Variants in BTBD7 observed in about 807,000 individuals in gnomAD.
BTBD7 encodes the protein BTB/POZ domain-containing protein 7.
BTBD7 carries 38 observed loss-of-function variants against 99.9 expected under a neutral mutation model. The ratio of observed to expected loss-of-function variants is 0.38; its 90% confidence interval spans 0.29 to 0.50. BTBD7 has a LOEUF of 0.50. BTBD7 is among the 20% of genes least tolerant of loss of function. The pLI, the probability that BTBD7 is intolerant of heterozygous loss-of-function variation, is 0.93. For synonymous variants in BTBD7, 520 were observed against 511.4 expected (o/e 1.02, Z -0.23); for missense variants, 1,170 against 1,394.6 (o/e 0.84, Z 2.57).
chr14:93,325,538 G>A (rs190676081), intron 1 of BTBD7, among the ~76,000 whole-genome samples: 1 of 152,236 alleles, frequency 6.6e-6, no homozygotes, highest in Non-Finnish European at 1.5e-5. Context: ...TTAATACGTA[G>A]TCCAGACTAA....
intron 3 of BTBD7, among the ~76,000 whole-genome samples, chr14:93,291,638 GAA>G (rs201244707): frequency 0.048 from 7,216 of 151,812 alleles, 586 homozygotes; most frequent in African/African-American, 0.16. Context: ...GTAACAAAGG[GAA>G]AAAGAAGAGC....
At position 93,308,218 on chromosome 14, in the gene BTBD7, C is replaced by T. The variant is rs1282923373; in HGVS notation, c.-106-12061G>A. Among the ~76,000 whole-genome samples, 2 of 147,468 alleles carry T rather than the reference C, an allele frequency of 1.4e-5. 1 individual carries two copies. The highest frequency in any genetic ancestry group is 4.3e-4 in the South Asian group (2 of 4,688). On this transcript the variant is annotated intron_variant, in intron 1 of 10. Transcript: ENST00000334746. The stretch of plus-strand genomic sequence containing the variant: ...AGGAGAATGGCGTGAGCCTGGGAGG[C>T]GGAGCTTGCAGTGAGCTGAGATCGC...
intron 4 of BTBD7, 63 bp from the exon 5 acceptor site, chr14:93,261,740 G>C (rs2052491593): frequency 8.0e-7 from 1 of 1,245,582 alleles, no homozygotes; most frequent in East Asian, 2.4e-5. Context: ...ATTTCATTAA[G>C]GACTTTTCGT....
chr14:93,327,023 T>C (rs2053341632), intron 1 of BTBD7, among the ~76,000 whole-genome samples: 1 of 151,988 alleles, frequency 6.6e-6, no homozygotes, highest in African/African-American at 2.4e-5. Flanking sequence ...TAGCCAGGCA[T>C]GGTGGCACGT....
rs2052194096 is a variant in BTBD7, at chr14:93,239,312, C to T, written c.*2961G>A. On this transcript the variant is annotated 3_prime_UTR_variant, in exon 11 of 11. Coordinates refer to ENST00000334746, the MANE Select transcript of BTBD7 (RefSeq NM_001002860.4). ...CTCAACGCACAGCGGGCACTGGAAG[C>T]GGTGATTGTCCAAAGGCCTGATTGT... The T allele has an allele frequency of 6.6e-6, 1 of 152,482 alleles. No individual in the cohort carries two copies. The highest frequency in any genetic ancestry group is 6.6e-5 in the Admixed American group (1 of 15,256). The allele number at this position is 152,482 out of a possible 1,614,324, so 9.4% of individuals were successfully genotyped here.
At chr14:93,248,012 C>T (rs927580758) in intron 9 of BTBD7, among the ~76,000 whole-genome samples, 2 of 152,136 alleles carry the variant, frequency 1.3e-5, no homozygotes, top group Non-Finnish European at 2.9e-5. Flanking sequence ...ACCTAGTGAC[C>T]AAACAAGGAA....
At chr14:93,243,933 G>C (rs2139672130) in intron 10 of BTBD7, 1 of 160,916 alleles carries the variant, frequency 6.2e-6, no homozygotes, top group East Asian at 1.9e-4. Flanking sequence ...ATTCTGGGGT[G>C]GGGGAAGCAG....
intron 10 of BTBD7, 56 bp from the exon 11 acceptor site, chr14:93,243,144 G>A: frequency 7.0e-7 from 1 of 1,427,382 alleles, no homozygotes; most frequent in Non-Finnish European, 9.6e-7. Context: ...ATCCTCTGTA[G>A]AAATGATGTT....
intron 1 of BTBD7, among the ~76,000 whole-genome samples, chr14:93,315,567 C>T (rs998364829): frequency 1.3e-5 from 2 of 152,204 alleles, no homozygotes; most frequent in African/African-American, 4.8e-5. Flanking sequence ...TTAGCAGTCA[C>T]TCACCTCAAT....
At chr14:93,289,908 G>T (rs1362566084) in intron 3 of BTBD7, among the ~76,000 whole-genome samples, 2 of 146,666 alleles carry the variant, frequency 1.4e-5, no homozygotes, top group African/African-American at 2.5e-5. Context: ...CAGGCTTGGA[G>T]TGCAGTGCTG....
intron 1 of BTBD7, among the ~76,000 whole-genome samples, chr14:93,326,517 CTG>C (rs1175338935): frequency 1.3e-5 from 2 of 152,044 alleles, no homozygotes; most frequent in Non-Finnish European, 2.9e-5. Context: ...AAAAAGAAAA[CTG>C]GGCCAGACAT....
Position 93,294,956 on chromosome 14 carries a change from A to G in BTBD7, c.83-19T>C, listed in dbSNP as rs2139769964. 1 of 1,518,806 alleles carries G rather than the reference A, an allele frequency of 6.6e-7. No individual in the cohort carries two copies. 94.1% of individuals were successfully genotyped at this position (1,518,806 alleles called of 1,614,324 possible). A position where few individuals can be genotyped will look rare whatever the true frequency, so the allele number is the denominator to read the frequency against. On this transcript the variant is annotated intron_variant, in intron 2 of 10. Transcript: ENST00000334746. ...GAGGTCCCTAAGAAAAAAATTAAAC[A>G]AATGAAAATTTATTTTTTCTTAACA...
rs371828413 is a variant in BTBD7 at position 93,316,108 on chromosome 14, T to C, written c.-107+16712A>G. On this transcript the variant is annotated intron_variant, in intron 1 of 10. Transcript: ENST00000334746. Reference sequence around the variant, plus strand: ...CTGGGATTACAGGCATCTGCCACCATGCCCAGCTAATTTTTTTGTATTTTT... The same window carrying C: ...CTGGGATTACAGGCATCTGCCACCACGCCCAGCTAATTTTTTTGTATTTTT... 5.3e-5 allele frequency among the ~76,000 whole-genome samples: 8 copies of C among 151,958 alleles called. No homozygotes were observed. In the East Asian group the frequency reaches 7.8e-4, roughly 15 times the overall value.
intron 3 of BTBD7, among the ~76,000 whole-genome samples, chr14:93,284,256 A>G (rs1343759262): frequency 6.6e-6 from 1 of 152,230 alleles, no homozygotes; most frequent in African/African-American, 2.4e-5. Context: ...ACTGACAAGT[A>G]AACAGTGAGT....
chr14:93,317,059 G>T (rs1247627742), intron 1 of BTBD7, among the ~76,000 whole-genome samples: 2 of 152,196 alleles, frequency 1.3e-5, no homozygotes, highest in African/African-American at 4.8e-5. Context: ...AAGAAAGAGT[G>T]CAGTGGTACG....
intron 1 of BTBD7, among the ~76,000 whole-genome samples, chr14:93,309,291 A>G (rs573569266): frequency 5.9e-5 from 9 of 152,100 alleles, no homozygotes; most frequent in South Asian, 2.1e-4. Context: ...TGACTTATCC[A>G]AAGTCAAATA....
At chr14:93,306,718 C>T (rs2053075031) in intron 1 of BTBD7, among the ~76,000 whole-genome samples, 1 of 152,172 alleles carries the variant, frequency 6.6e-6, no homozygotes, top group African/African-American at 2.4e-5. Flanking sequence ...TCTGGCATAA[C>T]TTCACATTAC....
At chr14:93,308,297 AAAAAAAAG>A (rs200926223) in intron 1 of BTBD7, among the ~76,000 whole-genome samples, 23,824 of 149,532 alleles carry the variant, frequency 0.16, 1,995 homozygotes, top group East Asian at 0.3. Context: ...CAAAAAAAAA[AAAAAAAAG>A]AAAAGAAAAG....
intron 1 of BTBD7, among the ~76,000 whole-genome samples, chr14:93,308,644 TATAC>T (rs1204657169): frequency 6.6e-6 from 1 of 152,194 alleles, no homozygotes; most frequent in Non-Finnish European, 1.5e-5. Flanking sequence ...AAATGTGGTG[TATAC>T]ATAGAGTAGA....
Sources: gnomAD v4.1 joint callset for allele counts (sites outside exome capture counted in the v4.1 genomes callset) on GRCh38, gnomAD v4.1.1 for gene constraint, MANE v1.5 for transcripts, NCBI Gene and HGNC (gene_info 2026-07-23, HGNC 2026-07-21) for gene names.